The following ZFP3 variants were observed in gnomAD, a reference collection of about 807,000 sequenced individuals.
ZFP3 encodes zinc finger protein 3 homolog.
In ZFP3, 18 loss-of-function variants were observed where a neutral mutation model predicts 36.7. The observed-to-expected ratio is 0.49, with a 90% CI of 0.34 to 0.73. The LOEUF (loss-of-function observed/expected upper bound fraction) is 0.73. ZFP3 is among the 30% of genes least tolerant of loss of function. ZFP3 has a pLI of 0.01. For synonymous variants in ZFP3, 218 were observed against 199.0 expected (o/e 1.10, Z -0.81); for missense variants, 495 against 599.0 (o/e 0.83, Z 1.81).
chr17:5,083,940 C>T (rs1006465207), intron 1 of ZFP3, among the ~76,000 whole-genome samples: 4 of 151,856 alleles, frequency 2.6e-5, no homozygotes, highest in African/African-American at 9.7e-5. Context: ...GATCTCAGCT[C>T]ACTGCAACCT....
At chr17:5,088,423 G>C (rs911413215) in intron 1 of ZFP3, among the ~76,000 whole-genome samples, 5 of 151,216 alleles carry the variant, frequency 3.3e-5, no homozygotes, top group Non-Finnish European at 5.9e-5. Flanking sequence ...CTTTTGCCTT[G>C]ATGACTGCAG....
At chr17:5,086,521 A>ATCTCTTCCATCAGAGGAAAGCC (rs2072121564) in intron 1 of ZFP3, among the ~76,000 whole-genome samples, 1 of 150,996 alleles carries the variant, frequency 6.6e-6, no homozygotes. Context: ...ACATGTTCAT[A>ATCTCTTCCATCAGAGGAAAGCC]TCTCTTCCAT....
rs116311827 is a variant in ZFP3 at position 5,082,540 on chromosome 17, T to G, written c.-9+3965T>G. Among the ~76,000 whole-genome samples the G allele has an allele frequency of 8.8e-3, 1,333 of 152,220 alleles. 22 individuals carry two copies. Among genetic ancestry groups the G allele is most frequent in the African/African-American group, 0.031 (1,274 of 41,536 alleles). On this transcript the variant is annotated intron_variant, in intron 1 of 1. Coordinates refer to ENST00000318833, the MANE Select transcript of ZFP3 (RefSeq NM_153018.3). ...GCTCCCAACAAAATTTTACTTAATT[T>G]TTTGAGACAGGGTCTCTTATTCTGT... is the stretch of plus-strand genomic sequence containing the variant.
At chr17:5,084,543 G>A (rs772244046) in intron 1 of ZFP3, among the ~76,000 whole-genome samples, 31 of 151,816 alleles carry the variant, frequency 2.0e-4, no homozygotes, top group Non-Finnish European at 4.6e-4. Context: ...CCAAAGTGCT[G>A]GGATTACAGG....
At chr17:5,080,618 A>T (rs1334978552) in intron 1 of ZFP3, among the ~76,000 whole-genome samples, 1 of 152,162 alleles carries the variant, frequency 6.6e-6, no homozygotes, top group Non-Finnish European at 1.5e-5. Flanking sequence ...ACCTCATCCC[A>T]GTTTCCCAGA....
chr17:5,081,250 C>T (rs2072091909), intron 1 of ZFP3, among the ~76,000 whole-genome samples: 1 of 152,040 alleles, frequency 6.6e-6, no homozygotes. Context: ...CCTTCCACCA[C>T]ACCTGGCTAA....
At position 5,093,981 on chromosome 17, in the gene ZFP3, TCTC is replaced by T. The variant is rs936093393; in HGVS notation, c.*971_*973del. On this transcript the variant is annotated 3_prime_UTR_variant, in exon 2 of 2. Transcript: ENST00000318833. ...TCTGCTGCATATATTTTTAGCCCCA[TCTC>T]CTGCCACTGCTGACAGATATTGTGA... 1 of 167,196 alleles carries T rather than the reference TCTC, an allele frequency of 6.0e-6. No homozygotes were observed. Among genetic ancestry groups the T allele is most frequent in the Non-Finnish European group, 1.5e-5 (1 of 68,190 alleles). The allele number at this position is 167,196 out of a possible 1,614,324, so 10.4% of individuals were successfully genotyped here. A position where few individuals can be genotyped will look rare whatever the true frequency, so the allele number is the denominator to read the frequency against.
chr17:5,081,589 T>C (rs1463392688), intron 1 of ZFP3, among the ~76,000 whole-genome samples: 1 of 151,318 alleles, frequency 6.6e-6, no homozygotes, highest in Admixed American at 6.6e-5. Context: ...CTTTTCTTCA[T>C]TTTATTTTAT....
At chr17:5,080,492 CTCTT>C (rs1229956894) in intron 1 of ZFP3, among the ~76,000 whole-genome samples, 2 of 152,154 alleles carry the variant, frequency 1.3e-5, no homozygotes, top group Non-Finnish European at 2.9e-5. Flanking sequence ...AGGTTTGTGT[CTCTT>C]TATACATTTG....
rs202200107 is a variant in ZFP3 at position 5,092,057 on chromosome 17, C to T, written c.553C>T (p.Arg185Ter). 30 of 1,614,016 alleles carry T rather than the reference C, an allele frequency of 1.9e-5. No homozygotes were observed. The highest frequency in any genetic ancestry group is 1.6e-4 in the Middle Eastern group (1 of 6,084). The change falls in exon 2 of 2, where the codon CGA (arginine) becomes TGA (stop). Residue 185 changes from arginine to a stop codon, truncating the protein, a stop_gained. Transcript: ENST00000318833. LOFTEE classifies it high-confidence loss of function. The surrounding 1 kb of genome is among the most constrained non-coding windows in gnomAD (Gnocchi z 5.0). The stretch of plus-strand genomic sequence containing the variant: ...GACATTTGGAACTAATTCAAGCCTT[C>T]GACGGCACCTGAGAATTCATGCTGG... ...GKTFGTNSSLRRHLRIHAGEK... is the reference protein window; with the variant it reads ...GKTFGTNSSL
intron 1 of ZFP3, among the ~76,000 whole-genome samples, chr17:5,082,303 C>T (rs1386949165): frequency 3.3e-5 from 5 of 151,742 alleles, no homozygotes; most frequent in East Asian, 4.0e-4. Context: ...GCCAAGATCA[C>T]GCCACTGCAC....
rs951292333 is a variant in ZFP3 at position 5,096,286 on chromosome 17, T to C, written c.*3273T>C. The C allele has an allele frequency of 3.0e-5, 5 of 167,090 alleles. No individual in the cohort carries two copies. The highest frequency in any genetic ancestry group is 2.6e-4 in the Admixed American group (4 of 15,284). 10.4% of individuals were successfully genotyped at this position (167,090 alleles called of 1,614,324 possible). ...ATACCCTTCAGAATTTTTGAAGCTA[T>C]GCCCATGTACAAAATTTTCTTCCTT... On this transcript the variant is annotated 3_prime_UTR_variant, in exon 2 of 2. Coordinates refer to ENST00000318833, the MANE Select transcript of ZFP3 (RefSeq NM_153018.3).
chr17:5,091,790 A>G lies in ZFP3; in HGVS notation c.286A>G (p.Ser96Gly), dbSNP rs1216646049. 1.2e-6 allele frequency: 2 copies of G among 1,614,246 alleles called. No homozygotes were observed. The highest frequency in any genetic ancestry group is 1.7e-6 in the Non-Finnish European group (2 of 1,180,046). ...GAATAATGAGAGTGAGAGAGGCTGC[A>G]GTCCCAGCCCAAATCTGGTTACACA... ...RENNESERGCSPSPNLVTHQG... is the reference protein window; with the variant it reads ...RENNESERGCGPSPNLVTHQG... Residue 96 changes from serine (S) to glycine (G), a missense_variant, in exon 2 of 2, where the codon AGT becomes GGT. By Grantham distance (56) the Ser-to-Gly change is moderately conservative (BLOSUM62 0). Coordinates refer to ENST00000318833, the MANE Select transcript of ZFP3 (RefSeq NM_153018.3).
Position 5,092,179 on chromosome 17 carries a change from T to C in ZFP3, c.675T>C (p.Tyr225=). ...GAATTCATACTGGAGAGAGACCCTA[T>C]AAATGTGAAGAATGTGGTAAAGCCT... ...HHRIHTGERP[Y]KCEECGKAFS... The change falls in exon 2 of 2, where the codon TAT becomes TAC. Residue 225 remains tyrosine, a synonymous_variant. Coordinates refer to ENST00000318833, the MANE Select transcript of ZFP3 (RefSeq NM_153018.3). The surrounding 1 kb of genome is among the most constrained non-coding windows in gnomAD (Gnocchi z 5.0). The C allele has an allele frequency of 6.2e-7, 1 of 1,614,146 alleles. No homozygotes were observed. Among genetic ancestry groups the C allele is most frequent in the Non-Finnish European group, 8.5e-7 (1 of 1,180,026 alleles).
At chr17:5,088,348 TC>T (rs1289587030) in intron 1 of ZFP3, among the ~76,000 whole-genome samples, 1 of 152,138 alleles carries the variant, frequency 6.6e-6, no homozygotes, top group African/African-American at 2.4e-5. Flanking sequence ...TTTGACCTCT[TC>T]CGTATTTCCC....
At position 5,089,575 on chromosome 17, in the gene ZFP3, A is replaced by C. The variant is rs567149771; in HGVS notation, c.-8-1922A>C. ...ATTATTCTGTTATAAGGCAATGGGG[A>C]ATAATATTGGGGTAGGCAACTAAAC... On this transcript the variant is annotated intron_variant, in intron 1 of 1. Transcript: ENST00000318833. Among the ~76,000 whole-genome samples, 3 of 152,232 alleles carry C rather than the reference A, an allele frequency of 2.0e-5. No homozygotes were observed. In the South Asian group the frequency reaches 6.2e-4, roughly 32 times the overall value.
Position 5,091,724 on chromosome 17 carries a change from A to C in ZFP3, c.220A>C (p.Met74Leu). The change falls in exon 2 of 2, where the codon ATG (methionine) becomes CTG (leucine). Residue 74 changes from methionine to leucine, a missense_variant. Coordinates refer to ENST00000318833, the MANE Select transcript of ZFP3 (RefSeq NM_153018.3). ...GGAGAGAGACTTTCCATCAGGGTTG[A>C]TGATCTTTAAGAAATCACCCTCAAG... Reference protein sequence around the residue: ...PQERDFPSGLMIFKKSPSSEK... With the variant: ...PQERDFPSGLLIFKKSPSSEK... 6.2e-7 allele frequency: 1 copy of C among 1,614,216 alleles called. No individual in the cohort carries two copies. The highest frequency in any genetic ancestry group is 8.5e-7 in the Non-Finnish European group (1 of 1,180,044).
At chr17:5,086,332 G>A (rs1257042028) in intron 1 of ZFP3, among the ~76,000 whole-genome samples, 4 of 152,098 alleles carry the variant, frequency 2.6e-5, no homozygotes, top group African/African-American at 4.8e-5. Context: ...TGTGGATAAC[G>A]GGAGGCTGGG....
Position 5,092,504 on chromosome 17 carries a change from G to T in ZFP3, c.1000G>T (p.Asp334Tyr). 1 of 1,614,176 alleles carries T rather than the reference G, an allele frequency of 6.2e-7. No homozygotes were observed. Among genetic ancestry groups the T allele is most frequent in the African/African-American group, 1.3e-5 (1 of 75,054 alleles). The change falls in exon 2 of 2, where the codon GAC becomes TAC. Residue 334 changes from aspartate (D) to tyrosine (Y), a missense_variant. This residue lies in a region of ZFP3 where 103 missense variants were observed against 186.8 expected (regional missense o/e 0.55). Transcript: ENST00000318833. The surrounding 1 kb of genome is among the most constrained non-coding windows in gnomAD (Gnocchi z 5.0). ...CCGGCATCAGAGAATTCATACAGGG[G>T]ACAAACCCTATGAATGTAATGAATG... ...LIRHQRIHTG[D>Y]KPYECNECGK...
Sources: allele counts gnomAD v4.1 joint callset (sites outside exome capture counted in the v4.1 genomes callset), GRCh38; gene constraint gnomAD v4.1.1; regional missense constraint gnomAD v4.1.1; non-coding constraint Gnocchi (gnomAD v3.1); transcripts MANE v1.5; gene names NCBI Gene and HGNC (gene_info 2026-07-23, HGNC 2026-07-21).